Variants in CLSTN2 observed in about 807,000 individuals in gnomAD.
CLSTN2 encodes calsyntenin-2.
In CLSTN2, 48 loss-of-function variants were observed where a neutral mutation model predicts 101.2. The ratio of observed to expected loss-of-function variants is 0.47; its 90% CI spans 0.38 to 0.60. CLSTN2 has a LOEUF of 0.60. CLSTN2 is among the 20% of genes least tolerant of loss of function. The pLI is 0.00. For missense variants in CLSTN2, 1,160 were observed against 1,238.2 expected, an observed-to-expected ratio of 0.94 and a Z score of 0.95; for synonymous variants, 481 against 463.6, an observed-to-expected ratio of 1.04 and a Z score of -0.48.
At chr3:140,179,495 T>C (rs1464306479) in intron 2 of CLSTN2, among the ~76,000 whole-genome samples, 2 of 150,828 alleles carry the variant, frequency 1.3e-5, no homozygotes, top group African/African-American at 2.4e-5. Flanking sequence ...TAGCTGGGTG[T>C]GTTGGCACAT....
At chr3:140,041,331 G>A (rs2007758039) in intron 1 of CLSTN2, among the ~76,000 whole-genome samples, 1 of 152,134 alleles carries the variant, frequency 6.6e-6, no homozygotes, top group African/African-American at 2.4e-5. Context: ...ATGTGCGAAG[G>A]TTTTTATTTT....
At chr3:140,482,731 G>A (rs12488519) in intron 8 of CLSTN2, among the ~76,000 whole-genome samples, 9,492 of 152,222 alleles carry the variant, frequency 0.062, 696 homozygotes, top group East Asian at 0.29. Flanking sequence ...TATTTGCATA[G>A]AGGTGTTTAT....
chr3:140,037,449 T>C (rs1172676168), intron 1 of CLSTN2, among the ~76,000 whole-genome samples: 1 of 152,204 alleles, frequency 6.6e-6, no homozygotes, highest in Non-Finnish European at 1.5e-5. Flanking sequence ...ACAAACTAGA[T>C]GGAATTTGTA....
Position 140,463,135 on chromosome 3 carries a change from T to C in CLSTN2, c.1222+3366T>C, listed in dbSNP as rs551922437. ...CATTCCTCCCATGAACAGTGCACTTTCCAGTCACCTTCCATGATTCCTCCT... is the reference window on the plus strand; with the variant it reads ...CATTCCTCCCATGAACAGTGCACTTCCCAGTCACCTTCCATGATTCCTCCT... On this transcript the variant is annotated intron_variant, in intron 7 of 16. Transcript: ENST00000458420. Among the ~76,000 whole-genome samples, 3 of 152,292 alleles carry C rather than the reference T, an allele frequency of 2.0e-5. No homozygotes were observed. In the East Asian group the frequency reaches 5.8e-4, roughly 29 times the overall value.
At chr3:140,150,628 C>T (rs980480185) in intron 1 of CLSTN2, among the ~76,000 whole-genome samples, 4 of 152,156 alleles carry the variant, frequency 2.6e-5, no homozygotes, top group African/African-American at 9.7e-5. Context: ...TCCATCTTAG[C>T]CCAACTCAAG....
rs542961053 is a variant in CLSTN2 at position 140,411,345 on chromosome 3, T to A, written c.637+6579T>A. Among the ~76,000 whole-genome samples the A allele has an allele frequency of 2.0e-5, 3 of 152,294 alleles. No individual in the cohort carries two copies. The East Asian group carries it at 5.8e-4, about 29-fold the overall frequency. Reference sequence around the variant, plus strand: ...AGAGACAAAGAAGGTCATTATATGATAATAAAAAAAGTAAATTCATCAAGA... The same window carrying A: ...AGAGACAAAGAAGGTCATTATATGAAAATAAAAAAAGTAAATTCATCAAGA... On this transcript the variant is annotated intron_variant, in intron 4 of 16. Coordinates refer to ENST00000458420, the MANE Select transcript of CLSTN2 (RefSeq NM_022131.3).
At chr3:140,498,254 C>T (rs1934508040) in intron 8 of CLSTN2, among the ~76,000 whole-genome samples, 1 of 152,180 alleles carries the variant, frequency 6.6e-6, no homozygotes, top group South Asian at 2.1e-4. Flanking sequence ...CTCCAATCAG[C>T]CCAAGATTTT....
intron 1 of CLSTN2, among the ~76,000 whole-genome samples, chr3:139,977,482 A>G (rs6791736): frequency 0.17 from 25,085 of 148,996 alleles, 2,757 homozygotes; most frequent in African/African-American, 0.31. Flanking sequence ...TGAGTAAAAT[A>G]AGGGCATTAG....
At chr3:140,548,435 G>A (rs1253566418) in intron 10 of CLSTN2, among the ~76,000 whole-genome samples, 1 of 152,222 alleles carries the variant, frequency 6.6e-6, no homozygotes, top group Non-Finnish European at 1.5e-5. Flanking sequence ...AGATCCCAGA[G>A]TTAGTGATGA....
chr3:140,125,762 G>A (rs2009419504), intron 1 of CLSTN2, among the ~76,000 whole-genome samples: 3 of 152,098 alleles, frequency 2.0e-5, no homozygotes, highest in South Asian at 4.1e-4. Flanking sequence ...TTATGTGAGT[G>A]CAGAATCTGG....
At chr3:140,446,348 C>T (rs1178444946) in intron 5 of CLSTN2, among the ~76,000 whole-genome samples, 1 of 152,118 alleles carries the variant, frequency 6.6e-6, no homozygotes, top group East Asian at 1.9e-4. Context: ...ATCCAAACAT[C>T]CTCTTATTAT....
At chr3:140,326,526 C>T (rs896848272) in intron 2 of CLSTN2, among the ~76,000 whole-genome samples, 1 of 152,194 alleles carries the variant, frequency 6.6e-6, no homozygotes, top group Non-Finnish European at 1.5e-5. Context: ...CTGTTTCAGC[C>T]TCACTTTTCC....
intron 2 of CLSTN2, among the ~76,000 whole-genome samples, chr3:140,312,509 G>A (rs2107917818): frequency 6.6e-6 from 1 of 152,318 alleles, no homozygotes; most frequent in East Asian, 1.9e-4. Flanking sequence ...TCTTTCTGTA[G>A]AATTTGAGCT....
intron 2 of CLSTN2, among the ~76,000 whole-genome samples, chr3:140,359,105 A>G (rs538580026): frequency 4.6e-5 from 7 of 152,134 alleles, no homozygotes; most frequent in African/African-American, 1.7e-4. Flanking sequence ...CTATTGCCAG[A>G]AGCAGGAGAT....
At chr3:140,411,325 C>T (rs1426776619) in intron 4 of CLSTN2, among the ~76,000 whole-genome samples, 1 of 151,904 alleles carries the variant, frequency 6.6e-6, no homozygotes, top group Non-Finnish European at 1.5e-5. Context: ...CAAAAAGAGA[C>T]AAAGAAGGTC....
intron 2 of CLSTN2, among the ~76,000 whole-genome samples, chr3:140,340,257 A>T (rs1360851500): frequency 6.6e-6 from 1 of 152,240 alleles, no homozygotes. Context: ...AGATGTTCTA[A>T]TGTACTTCGT....
intron 1 of CLSTN2, among the ~76,000 whole-genome samples, chr3:140,147,985 C>T (rs1447009738): frequency 1.3e-5 from 2 of 152,096 alleles, no homozygotes; most frequent in Non-Finnish European, 2.9e-5. Context: ...AGGGGGGATG[C>T]GGATGTAGCT....
At chr3:140,183,970 AAAC>A (rs1559800846) in intron 2 of CLSTN2, among the ~76,000 whole-genome samples, 1 of 152,214 alleles carries the variant, frequency 6.6e-6, no homozygotes, top group Non-Finnish European at 1.5e-5. Context: ...TATGAGCATC[AAAC>A]AACAACCATT....
chr3:140,531,893 G>C (rs1459613529), intron 8 of CLSTN2, among the ~76,000 whole-genome samples: 1 of 152,156 alleles, frequency 6.6e-6, no homozygotes, highest in African/African-American at 2.4e-5. Context: ...TGAGATCCTT[G>C]GTTCCTGATC....
Sources: gnomAD v4.1 joint callset for allele counts (sites outside exome capture counted in the v4.1 genomes callset) on GRCh38, gnomAD v4.1.1 for gene constraint, MANE v1.5 for transcripts, NCBI Gene and HGNC (gene_info 2026-07-23, HGNC 2026-07-21) for gene names.